The following SLC44A1 variants were observed in gnomAD, a reference collection of about 807,000 sequenced individuals.
SLC44A1 encodes the protein solute carrier family 44 member 1.
In SLC44A1, 26 loss-of-function variants were observed where a neutral mutation model predicts 79.3. That is an observed-to-expected ratio of 0.33 (90% confidence interval 0.24 to 0.46). The LOEUF is 0.46. SLC44A1 is among the 20% of genes least tolerant of loss of function. The pLI is 1.00. For synonymous variants in SLC44A1, 263 were observed against 286.2 expected (o/e 0.92, Z 0.82); for missense variants, 688 against 798.1 (o/e 0.86, Z 1.66).
rs983546453 is a variant in SLC44A1 at position 105,395,258 on chromosome 9, C to T, written c.*6202C>T. On this transcript the variant is annotated 3_prime_UTR_variant, in exon 16 of 16. Transcript: ENST00000374720. ...TTTTTGAGACGGAGTCTCGCTCTATCGCCAGCTTAGAGTGCAGTGGCTCAA... is the reference window on the plus strand; with the variant it reads ...TTTTTGAGACGGAGTCTCGCTCTATTGCCAGCTTAGAGTGCAGTGGCTCAA... The T allele has an allele frequency of 3.3e-6, 3 of 903,648 alleles. No individual in the cohort carries two copies. Among genetic ancestry groups the T allele is most frequent in the Non-Finnish European group, 4.0e-6 (3 of 755,632 alleles). 56.0% of individuals were successfully genotyped at this position (903,648 alleles called of 1,614,324 possible).
intron 1 of SLC44A1, among the ~76,000 whole-genome samples, chr9:105,292,756 T>G (rs1830630249): frequency 6.6e-6 from 1 of 152,218 alleles, no homozygotes; most frequent in African/African-American, 2.4e-5. Context: ...TCTCATGCTA[T>G]CGTAGTACTT....
At chr9:105,358,029 G>C (rs1323839830) in intron 6 of SLC44A1, among the ~76,000 whole-genome samples, 1 of 152,192 alleles carries the variant, frequency 6.6e-6, no homozygotes, top group Non-Finnish European at 1.5e-5. Context: ...ATGTATGTTT[G>C]CATGTCTGAT....
chr9:105,280,821 A>G, intron 1 of SLC44A1, among the ~76,000 whole-genome samples: 1 of 152,226 alleles, frequency 6.6e-6, no homozygotes, highest in East Asian at 1.9e-4. Flanking sequence ...CATGGTGTAT[A>G]TACTCCCACT....
At chr9:105,417,656 T>C (rs1001754041) in intron 15 of SLC44A1, among the ~76,000 whole-genome samples, 1 of 152,132 alleles carries the variant, frequency 6.6e-6, no homozygotes, top group Non-Finnish European at 1.5e-5. Context: ...TAATAAATGC[T>C]AGTCCTTTCC....
chr9:105,374,070 A>G (rs959960880), intron 12 of SLC44A1, among the ~76,000 whole-genome samples: 3 of 152,226 alleles, frequency 2.0e-5, no homozygotes, highest in Non-Finnish European at 2.9e-5. Flanking sequence ...CAGGAAGAGT[A>G]GTGGTATAAA....
intron 1 of SLC44A1, among the ~76,000 whole-genome samples, chr9:105,261,033 A>G (rs1829827140): frequency 6.6e-6 from 1 of 152,244 alleles, no homozygotes; most frequent in African/African-American, 2.4e-5. Context: ...GTTAAAACAA[A>G]TACAACTTGC....
At position 105,392,763 on chromosome 9, in the gene SLC44A1, G is replaced by A. The variant is rs771591316; in HGVS notation, c.*3707G>A. The A allele has an allele frequency of 1.5e-5, 15 of 985,112 alleles. No homozygotes were observed. The highest frequency in any genetic ancestry group is 1.0e-3 in the Middle Eastern group (2 of 1,936). 61.0% of individuals were successfully genotyped at this position (985,112 alleles called of 1,614,324 possible). ...TCCTAGCCTGCAAGGTAGAATTCTG[G>A]GATCAGTTCCAAAACCAGAACTGCC... On this transcript the variant is annotated 3_prime_UTR_variant, in exon 16 of 16. Transcript: ENST00000374720.
At chr9:105,248,603 A>G (rs1829509993) in intron 1 of SLC44A1, among the ~76,000 whole-genome samples, 1 of 152,220 alleles carries the variant, frequency 6.6e-6, no homozygotes, top group African/African-American at 2.4e-5. Context: ...GTTTACTAAT[A>G]TTGGTAATTG....
At chr9:105,312,050 C>A (rs1186150143) in intron 3 of SLC44A1, among the ~76,000 whole-genome samples, 1 of 152,170 alleles carries the variant, frequency 6.6e-6, no homozygotes, top group Non-Finnish European at 1.5e-5. Context: ...AATACTTCAG[C>A]CTAACCTTGA....
chr9:105,317,242 T>A (rs1319874998), intron 3 of SLC44A1, among the ~76,000 whole-genome samples: 1 of 152,098 alleles, frequency 6.6e-6, no homozygotes, highest in Non-Finnish European at 1.5e-5. Flanking sequence ...CTCTCTGACC[T>A]CCCCTTAGGG....
intron 13 of SLC44A1, among the ~76,000 whole-genome samples, chr9:105,382,858 T>C (rs1442755171): frequency 6.6e-6 from 1 of 152,204 alleles, no homozygotes; most frequent in East Asian, 1.9e-4. Context: ...GATTAAGTTT[T>C]AGGGTGCAGC....
intron 2 of SLC44A1, 23 bp from the exon 3 acceptor site, chr9:105,309,701 G>T: frequency 6.2e-7 from 1 of 1,611,416 alleles, no homozygotes. Context: ...TTATTTGTAT[G>T]TTTTTTTCTG....
intron 15 of SLC44A1, among the ~76,000 whole-genome samples, chr9:105,425,839 C>CA (rs1282118839): frequency 9.2e-5 from 14 of 152,016 alleles, no homozygotes; most frequent in Admixed American, 8.5e-4. Flanking sequence ...AACAAACAAA[C>CA]AAAAAACCCT....
chr9:105,303,948 G>A (rs1830949715), intron 2 of SLC44A1, among the ~76,000 whole-genome samples: 1 of 152,182 alleles, frequency 6.6e-6, no homozygotes, highest in Non-Finnish European at 1.5e-5. Flanking sequence ...TATCTTGTGT[G>A]TGCCATCTAG....
chr9:105,317,016 T>C (rs1194547077), intron 3 of SLC44A1, among the ~76,000 whole-genome samples: 2 of 152,210 alleles, frequency 1.3e-5, no homozygotes, highest in African/African-American at 4.8e-5. Flanking sequence ...GATTTTTTTC[T>C]TGAGGTTCTA....
Position 105,244,834 on chromosome 9 carries a change from G to T in SLC44A1, c.-35G>T. 7.2e-6 allele frequency: 8 copies of T among 1,105,092 alleles called. No homozygotes were observed. Among genetic ancestry groups the T allele is most frequent in the Non-Finnish European group, 8.8e-6 (8 of 907,770 alleles). 68.5% of individuals were successfully genotyped at this position (1,105,092 alleles called of 1,614,324 possible). Reference sequence around the variant, plus strand: ...GAGGGGCTCCGGGGCGTAGCTGCGCGCCCGGCGCCGCCTCCGGGCTCCTTC... The same window carrying T: ...GAGGGGCTCCGGGGCGTAGCTGCGCTCCCGGCGCCGCCTCCGGGCTCCTTC... On this transcript the variant is annotated 5_prime_UTR_variant, in exon 1 of 16. Coordinates refer to ENST00000374720, the MANE Select transcript of SLC44A1 (RefSeq NM_080546.5).
chr9:105,419,943 C>G (rs1192822516), intron 15 of SLC44A1, among the ~76,000 whole-genome samples: 1 of 147,406 alleles, frequency 6.8e-6, no homozygotes, highest in Non-Finnish European at 1.5e-5. Flanking sequence ...AAAAAGAAGG[C>G]AATATGTTTC....
At chr9:105,286,636 C>T (rs1242744677) in intron 1 of SLC44A1, among the ~76,000 whole-genome samples, 1 of 152,168 alleles carries the variant, frequency 6.6e-6, no homozygotes, top group Non-Finnish European at 1.5e-5. Context: ...ATTTCGCCAA[C>T]CCTCAATTAC....
At chr9:105,335,904 G>A (rs2131359997) in intron 4 of SLC44A1, among the ~76,000 whole-genome samples, 2 of 152,190 alleles carry the variant, frequency 1.3e-5, no homozygotes, top group East Asian at 3.8e-4. Flanking sequence ...AATTCTGACT[G>A]AGTGGGTCTT....
Sources: allele counts gnomAD v4.1 joint callset (sites outside exome capture counted in the v4.1 genomes callset), GRCh38; gene constraint gnomAD v4.1.1; transcripts MANE v1.5; gene names NCBI Gene and HGNC (gene_info 2026-07-23, HGNC 2026-07-21).